The following ATP2C2 variants were observed in gnomAD, a reference collection of about 807,000 sequenced individuals.
The protein encoded by ATP2C2 is calcium-transporting ATPase type 2C member 2.
Under a neutral mutation model 110.8 loss-of-function variants are expected in ATP2C2, and 171 were observed. The ratio of observed to expected loss-of-function variants is 1.54; its 90% CI spans 1.36 to 1.75. The LOEUF is 1.75. ATP2C2 is among the 40% of genes most tolerant of loss of function. ATP2C2 has a pLI of 0.00. For missense variants in ATP2C2, 1,963 were observed against 1,235.0 expected, an observed-to-expected ratio of 1.59 and a Z score of -8.84; for synonymous variants, 804 against 508.4, an observed-to-expected ratio of 1.58 and a Z score of -7.82.
At chr16:84,391,475 T>C (rs1398507596) in intron 1 of ATP2C2, among the ~76,000 whole-genome samples, 1 of 152,152 alleles carries the variant, frequency 6.6e-6, no homozygotes, top group Admixed American at 6.5e-5. Context: ...ATCCATGCAG[T>C]CAAATTAAAA....
At chr16:84,404,017 G>A (rs1181472463) in intron 2 of ATP2C2, among the ~76,000 whole-genome samples, 5 of 152,222 alleles carry the variant, frequency 3.3e-5, no homozygotes, top group Non-Finnish European at 5.9e-5. Flanking sequence ...AAAGGATACC[G>A]ATGAAGAGAC....
Position 84,368,728 on chromosome 16 carries a change from A to T in ATP2C2, c.99+14A>T, listed in dbSNP as rs1454972459. On this transcript the variant is annotated intron_variant, in intron 1 of 26. Coordinates refer to ENST00000262429, the MANE Select transcript of ATP2C2 (RefSeq NM_014861.4). ...GAGGAAGCCTTGGTGAGTCCCCGCG[A>T]CTCCGCGCCGGGCGTGCGACCCGAC... The T allele has an allele frequency of 5.3e-6, 8 of 1,503,024 alleles. No individual in the cohort carries two copies. The highest frequency in any genetic ancestry group is 7.1e-6 in the Non-Finnish European group (8 of 1,126,800). The allele number at this position is 1,503,024 out of a possible 1,614,324, so 93.1% of individuals were successfully genotyped here.
intron 2 of ATP2C2, among the ~76,000 whole-genome samples, chr16:84,403,927 G>A (rs1487761922): frequency 6.6e-6 from 1 of 152,190 alleles, no homozygotes; most frequent in Non-Finnish European, 1.5e-5. Flanking sequence ...CCGACCTCAG[G>A]TGATCTGCCT....
In ATP2C2 at chr16:84,377,077, T is replaced by C. The variant is rs537976499; in HGVS notation, c.99+8363T>C. Among the ~76,000 whole-genome samples the C allele has an allele frequency of 4.3e-4, 66 of 152,282 alleles. 1 individual carries two copies. The South Asian group carries it at 0.012, about 29-fold the overall frequency. ...GGTGATAAGAACATGGGAAATTTAG[T>C]AGTGGAAGTCGTGTGCTAAGACTGA... On this transcript the variant is annotated intron_variant, in intron 1 of 26. Transcript: ENST00000262429.
chr16:84,444,092 A>T (rs908418452), intron 15 of ATP2C2, among the ~76,000 whole-genome samples: 2 of 145,948 alleles, frequency 1.4e-5, no homozygotes, highest in East Asian at 3.9e-4. Flanking sequence ...CCTTGAGCCC[A>T]GGAGTCTGAG....
At chr16:84,444,439 C>G (rs552213581) in intron 15 of ATP2C2, among the ~76,000 whole-genome samples, 1 of 152,206 alleles carries the variant, frequency 6.6e-6, no homozygotes, top group Non-Finnish European at 1.5e-5. Context: ...TACCATTGCA[C>G]TCCAGCCTGG....
At chr16:84,452,189 G>T in intron 18 of ATP2C2, 98 bp downstream of exon 18, 2 of 1,450,100 alleles carry the variant, frequency 1.4e-6, no homozygotes, top group South Asian at 1.3e-5. Flanking sequence ...ACTCGGTCAG[G>T]AGTGCTCACG....
chr16:84,402,913 G>A (rs1419213874), intron 2 of ATP2C2, among the ~76,000 whole-genome samples: 1 of 152,112 alleles, frequency 6.6e-6, no homozygotes, highest in Admixed American at 6.5e-5. Context: ...ACTGGGTCCT[G>A]GGCTTTTCCT....
At chr16:84,369,717 T>C (rs7203406) in intron 1 of ATP2C2, among the ~76,000 whole-genome samples, 14,055 of 152,292 alleles carry the variant, frequency 0.092, 745 homozygotes, top group Middle Eastern at 0.16. Flanking sequence ...AGAATACTAA[T>C]GGTCAAAACA....
chr16:84,392,907 C>T (rs1597750091), intron 1 of ATP2C2, among the ~76,000 whole-genome samples: 1 of 152,230 alleles, frequency 6.6e-6, no homozygotes, highest in South Asian at 2.1e-4. Flanking sequence ...GTGGGTGGGC[C>T]TAGAATGGAG....
At chr16:84,405,073 T>C in intron 2 of ATP2C2, 55 bp from the exon 3 acceptor site, 2 of 1,427,926 alleles carry the variant, frequency 1.4e-6, no homozygotes. Flanking sequence ...TGTACCCTGT[T>C]GCCTCATTCC....
intron 7 of ATP2C2, among the ~76,000 whole-genome samples, 184 bp from the exon 8 acceptor site, chr16:84,422,206 G>C (rs1907401399): frequency 6.6e-6 from 1 of 152,102 alleles, no homozygotes; most frequent in African/African-American, 2.4e-5. Flanking sequence ...TTTTAAGAGA[G>C]GCCGCTCATT....
At chr16:84,412,350 G>A (rs935890880) in intron 6 of ATP2C2, among the ~76,000 whole-genome samples, 2 of 100,754 alleles carry the variant, frequency 2.0e-5, no homozygotes, top group African/African-American at 7.1e-5. Flanking sequence ...GCGTGTGTCT[G>A]CGTGCGTGTG....
intron 1 of ATP2C2, among the ~76,000 whole-genome samples, chr16:84,385,338 C>T (rs148277113): frequency 6.6e-6 from 1 of 152,300 alleles, no homozygotes; most frequent in East Asian, 1.9e-4. Context: ...TAGTGCTCAA[C>T]TATTCATGAG....
At chr16:84,461,042 G>A in intron 24 of ATP2C2, 1 of 518,570 alleles carries the variant, frequency 1.9e-6, no homozygotes, top group Non-Finnish European at 3.3e-6. Flanking sequence ...GGGTGGAGAT[G>A]ACTTTGCCGA....
At chr16:84,455,367 G>C (rs1910700021) in intron 21 of ATP2C2, among the ~76,000 whole-genome samples, 1 of 152,196 alleles carries the variant, frequency 6.6e-6, no homozygotes, top group Non-Finnish European at 1.5e-5. Flanking sequence ...ACACTTGAGT[G>C]TGGGGTGAGA....
At chr16:84,459,685 C>G (rs1264423773) in intron 23 of ATP2C2, 7 of 1,185,404 alleles carry the variant, frequency 5.9e-6, no homozygotes, top group Non-Finnish European at 5.9e-6. Flanking sequence ...TCACCAGTCA[C>G]TGCCTTCAGG....
intron 11 of ATP2C2, among the ~76,000 whole-genome samples, chr16:84,432,366 T>C (rs932178092): frequency 1.3e-5 from 2 of 152,250 alleles, no homozygotes; most frequent in Admixed American, 6.5e-5. Context: ...TTGCTGCACC[T>C]ACCAACCCGT....
At chr16:84,378,221 C>G (rs145774200) in intron 1 of ATP2C2, among the ~76,000 whole-genome samples, 1,787 of 152,306 alleles carry the variant, frequency 0.012, 28 homozygotes, top group South Asian at 0.022. Flanking sequence ...CTTTGCCTCT[C>G]CAGCTGGACC....
Sources: allele counts gnomAD v4.1 joint callset (sites outside exome capture counted in the v4.1 genomes callset), GRCh38; gene constraint gnomAD v4.1.1; transcripts MANE v1.5; gene names NCBI Gene and HGNC (gene_info 2026-07-23, HGNC 2026-07-21).